HOXC5: variants seen among roughly 807,000 people sequenced by gnomAD.
HOXC5 encodes the protein homeobox protein Hox-C5.
A neutral mutation model predicts 20.1 loss-of-function variants in HOXC5; 19 were observed. That is an observed-to-expected ratio of 0.94 (90% CI 0.66 to 1.38). The LOEUF (loss-of-function observed/expected upper bound fraction) is 1.38, where lower values mean the gene tolerates loss of function less well. Among genes scored for constraint, HOXC5 ranks in the 40% most tolerant of loss-of-function variants. The pLI is 0.00. For missense variants in HOXC5, 330 were observed against 300.1 expected (o/e 1.10, Z -0.74); for synonymous variants, 124 against 117.0 (o/e 1.06, Z -0.39).
chr12:54,026,972 G>T, the HOXC5 span, among the ~76,000 whole-genome samples: 15 of 139,018 alleles, frequency 1.1e-4, no homozygotes, highest in East Asian at 3.0e-3. Flanking sequence ...GGTGGGGGGG[G>T]GGGGATATGA....
the HOXC5 span, chr12:54,020,606 T>C: frequency 1.3e-5 from 2 of 152,164 alleles, no homozygotes; most frequent in Non-Finnish European, 2.9e-5. Flanking sequence ...GACTCATATT[T>C]CCTTGGTGGT....
chr12:54,034,316 T>C lies in HOXC5; in HGVS notation c.493T>C (p.Tyr165His). Residue 165 changes from tyrosine (Y) to histidine (H), a missense_variant, in exon 2 of 2, where the codon TAC (tyrosine) becomes CAC (histidine). Transcript: ENST00000312492. ...GKRSRTSYTR[Y>H]QTLELEKEFH... ...GCGGTCCCGAACCAGTTACACGCGC[T>C]ACCAGACTCTGGAACTCGAGAAAGA... 2 of 1,614,130 alleles carry C rather than the reference T, an allele frequency of 1.2e-6. No individual in the cohort carries two copies. Among genetic ancestry groups the C allele is most frequent in the Middle Eastern group, 1.6e-4 (1 of 6,062 alleles).
chr12:54,033,431 G>A lies in HOXC5; in HGVS notation c.309G>A (p.Ala103=), dbSNP rs1284328216. Residue 103 remains alanine, a synonymous_variant, in exon 1 of 2, where the codon GCG becomes GCA. Coordinates refer to ENST00000312492, the MANE Select transcript of HOXC5 (RefSeq NM_018953.4). ...ACCCCGGGATGTACAGTCAGAAGGC[G>A]GCTCGCCCGGCGCTGGAGGAGCGAG... ...PLNPGMYSQK[A]ARPALEERAK... 1 of 1,602,864 alleles carries A rather than the reference G, an allele frequency of 6.2e-7. No homozygotes were observed. Among genetic ancestry groups the A allele is most frequent in the Non-Finnish European group, 8.5e-7 (1 of 1,175,562 alleles).
At chr12:54,017,073 GGA>G in the HOXC5 span, 1 of 152,112 alleles carries the variant, frequency 6.6e-6, no homozygotes, top group African/African-American at 2.4e-5. Context: ...GGATGGGAGG[GGA>G]GAGACAGAAG....
Position 54,033,417 on chromosome 12 carries a change from T to C in HOXC5, c.295T>C (p.Tyr99His), listed in dbSNP as rs758896796. 16 of 1,609,406 alleles carry C rather than the reference T, an allele frequency of 9.9e-6. No homozygotes were observed. The highest frequency in any genetic ancestry group is 1.4e-5 in the Non-Finnish European group (16 of 1,178,464). Residue 99 changes from tyrosine (Y) to histidine (H), a missense_variant, in exon 1 of 2, where the codon TAC becomes CAC. Tyr to His is a moderately conservative substitution (Grantham distance 83, BLOSUM62 2). Transcript: ENST00000312492. Reference protein sequence around the residue: ...DEAAPLNPGMYSQKAARPALE... With the variant: ...DEAAPLNPGMHSQKAARPALE... ...AGCGGCTCCTCTGAACCCCGGGATG[T>C]ACAGTCAGAAGGCGGCTCGCCCGGC...
At position 54,033,108 on chromosome 12, in the gene HOXC5, T is replaced by C. The variant is rs567852522; in HGVS notation, c.-15T>C. 1 of 1,591,126 alleles carries C rather than the reference T, an allele frequency of 6.3e-7. No homozygotes were observed. Among genetic ancestry groups the C allele is most frequent in the South Asian group, 1.1e-5 (1 of 89,820 alleles). ...ATCAAAAAGGGTGCAGAAATTTTTT[T>C]GGGCCCTCCCCGCCATGAGCTCCTA... On this transcript the variant is annotated 5_prime_UTR_variant, in exon 1 of 2. Transcript: ENST00000312492.
At position 54,033,444 on chromosome 12, in the gene HOXC5, C is replaced by G. The variant is rs1159281431; in HGVS notation, c.322C>G (p.Leu108Val). The G allele has an allele frequency of 1.9e-6, 3 of 1,600,744 alleles. No homozygotes were observed. The highest frequency in any genetic ancestry group is 2.6e-6 in the Non-Finnish European group (3 of 1,174,720). The change falls in exon 1 of 2, where the codon CTG becomes GTG. Residue 108 changes from leucine (L) to valine (V), a missense_variant. Transcript: ENST00000312492. ...MYSQKAARPALEERAKSSGEI... is the reference protein window; with the variant it reads ...MYSQKAARPAVEERAKSSGEI... The stretch of plus-strand genomic sequence containing the variant: ...CAGTCAGAAGGCGGCTCGCCCGGCG[C>G]TGGAGGAGCGAGCTAAGAGCAGTGG...
In HOXC5 at chr12:54,033,276, C is replaced by T; in HGVS notation, c.154C>T (p.Pro52Ser). 3 of 1,614,214 alleles carry T rather than the reference C, an allele frequency of 1.9e-6. No individual in the cohort carries two copies. The highest frequency in any genetic ancestry group is 1.7e-6 in the Non-Finnish European group (2 of 1,180,044). The change falls in exon 1 of 2, where the codon CCT becomes TCT. Residue 52 changes from proline to serine, a missense_variant. Transcript: ENST00000312492. Reference protein sequence around the residue: ...GLDLSITFPPPAPSNSLHGVD... With the variant: ...GLDLSITFPPSAPSNSLHGVD... The stretch of plus-strand genomic sequence containing the variant: ...GGACTTAAGCATCACTTTCCCACCG[C>T]CTGCGCCTTCCAACTCTCTCCACGG...
chr12:54,033,233 G>A lies in HOXC5; in HGVS notation c.111G>A (p.Arg37=). The change falls in exon 1 of 2, where the codon AGG becomes AGA. Residue 37 remains arginine, a synonymous_variant. Coordinates refer to ENST00000312492, the MANE Select transcript of HOXC5 (RefSeq NM_018953.4). ...CGGCCTCAGAGGTGCAGGCATCCAG[G>A]TACTGCTACGGCGGATTGGACTTAA... is the stretch of plus-strand genomic sequence containing the variant. The part of the protein sequence containing the change: ...YGSASEVQAS[R]YCYGGLDLSI... 5 of 1,614,172 alleles carry A rather than the reference G, an allele frequency of 3.1e-6. No homozygotes were observed. The highest frequency in any genetic ancestry group is 4.2e-6 in the Non-Finnish European group (5 of 1,180,036).
chr12:54,032,382 C>T (rs1443236154), upstream of HOXC5, among the ~76,000 whole-genome samples: 2 of 152,256 alleles, frequency 1.3e-5, no homozygotes, highest in East Asian at 3.8e-4. Flanking sequence ...TGATAGGCAC[C>T]TCTTCAGCAG....
Position 54,033,114 on chromosome 12 carries a change from C to T in HOXC5, c.-9C>T, listed in dbSNP as rs1941050255. The T allele has an allele frequency of 1.9e-6, 3 of 1,591,500 alleles. No individual in the cohort carries two copies. Among genetic ancestry groups the T allele is most frequent in the Non-Finnish European group, 8.6e-7 (1 of 1,164,728 alleles). On this transcript the variant is annotated 5_prime_UTR_variant, in exon 1 of 2. Transcript: ENST00000312492. ...AAGGGTGCAGAAATTTTTTTGGGCC[C>T]TCCCCGCCATGAGCTCCTACGTAGC...
chr12:54,019,360 C>A, the HOXC5 span, among the ~76,000 whole-genome samples: 1 of 152,162 alleles, frequency 6.6e-6, no homozygotes, highest in African/African-American at 2.4e-5. Flanking sequence ...TGATGCCCCG[C>A]GGATCCAGCC....
rs759850280 is a variant in HOXC5 at position 54,034,347 on chromosome 12, A to G, written c.524A>G (p.His175Arg). The G allele has an allele frequency of 2.5e-6, 4 of 1,614,080 alleles. No individual in the cohort carries two copies. In the South Asian group the frequency reaches 3.3e-5, roughly 13 times the overall value. The change falls in exon 2 of 2, where the codon CAC becomes CGC. Residue 175 changes from histidine (H) to arginine (R), a missense_variant. His to Arg is a conservative substitution (Grantham distance 29). Coordinates refer to ENST00000312492, the MANE Select transcript of HOXC5 (RefSeq NM_018953.4). ...ACTCTGGAACTCGAGAAAGAATTCC[A>G]CTTTAACCGCTACCTCACTCGCCGC... ...YQTLELEKEFHFNRYLTRRRR... is the reference protein window; with the variant it reads ...YQTLELEKEFRFNRYLTRRRR...
At chr12:54,033,622 T>G (rs1256991210) in intron 1 of HOXC5, 46 bp downstream of exon 1, 1 of 1,429,748 alleles carries the variant, frequency 7.0e-7, no homozygotes, top group Non-Finnish European at 9.3e-7. Flanking sequence ...CGCCTGGGTT[T>G]TATAGGCCAT....
At chr12:54,025,513 G>C in the HOXC5 span, among the ~76,000 whole-genome samples, 1 of 114,866 alleles carries the variant, frequency 8.7e-6, no homozygotes, top group Non-Finnish European at 1.8e-5. Context: ...CTTTCCTCAG[G>C]AATGAAAGGT....
chr12:54,018,003 G>T, the HOXC5 span, among the ~76,000 whole-genome samples: 3 of 152,224 alleles, frequency 2.0e-5, no homozygotes, highest in Non-Finnish European at 4.4e-5. Flanking sequence ...GCAGCTAGGC[G>T]GCCGGCGGGG....
the HOXC5 span, among the ~76,000 whole-genome samples, chr12:54,026,151 C>T: frequency 2.0e-5 from 3 of 152,134 alleles, no homozygotes; most frequent in African/African-American, 4.8e-5. Flanking sequence ...CTCTCTCTTC[C>T]GGCCTCTTCT....
chr12:54,033,816 G>A (rs117604388), intron 1 of HOXC5: 172 of 565,862 alleles, frequency 3.0e-4, no homozygotes, highest in Non-Finnish European at 5.2e-4. Flanking sequence ...GAGAGGGAGG[G>A]AGTTAAAAAA....
At chr12:54,029,983 C>T (rs779937440), upstream of HOXC5, 3 of 1,505,170 alleles carry the variant, frequency 2.0e-6, no homozygotes, top group African/African-American at 4.2e-5. Context: ...CCCTGCCACC[C>T]CTCTCTCCCT....
Sources: gnomAD v4.1 joint callset for allele counts (sites outside exome capture counted in the v4.1 genomes callset) on GRCh38, gnomAD v4.1.1 for gene constraint, MANE v1.5 for transcripts, NCBI Gene and HGNC (gene_info 2026-07-23, HGNC 2026-07-21) for gene names.